Variants in COL10A1 observed in about 807,000 individuals in gnomAD.
COL10A1 encodes collagen type X alpha 1 chain, also known as collagen alpha-1(X) chain.
Under a neutral mutation model 18.2 loss-of-function variants are expected in COL10A1, and 10 were observed. The observed-to-expected ratio is 0.55, with a 90% CI of 0.34 to 0.93. The LOEUF (loss-of-function observed/expected upper bound fraction) is 0.93. Ranked by LOEUF, COL10A1 falls within the 40% of genes least tolerant of loss-of-function variation. The probability of loss-of-function intolerance (pLI) is 0.02; values close to 1 mark genes in which losing one functional copy is unlikely to be tolerated. For missense variants in COL10A1, 897 were observed against 853.5 expected, an observed-to-expected ratio of 1.05 and a Z score of -0.64; for synonymous variants, 330 against 316.6, an observed-to-expected ratio of 1.04 and a Z score of -0.45.
the COL10A1 span, among the ~76,000 whole-genome samples, chr6:116,183,166 C>T: frequency 6.6e-6 from 1 of 151,908 alleles, no homozygotes; most frequent in African/African-American, 2.4e-5. Context: ...TTTGCTTTGT[C>T]GAAGATCAGT....
chr6:116,131,914 G>T (rs1407127018), intron 1 of COL10A1, among the ~76,000 whole-genome samples: 1 of 152,166 alleles, frequency 6.6e-6, no homozygotes, highest in Non-Finnish European at 1.5e-5. Context: ...TTATAAGTGA[G>T]AACATGCAGT....
chr6:116,205,121 T>A, the COL10A1 span, among the ~76,000 whole-genome samples: 4 of 152,098 alleles, frequency 2.6e-5, no homozygotes, highest in African/African-American at 9.6e-5. Flanking sequence ...TGTTTCTGGT[T>A]AGGCCGGTAA....
At chr6:116,169,408 T>A in the COL10A1 span, among the ~76,000 whole-genome samples, 34 of 152,236 alleles carry the variant, frequency 2.2e-4, no homozygotes, top group Non-Finnish European at 4.4e-4. Flanking sequence ...ATATTTTGTG[T>A]CTATGCTTAC....
the COL10A1 span, among the ~76,000 whole-genome samples, chr6:116,212,403 T>C: frequency 6.6e-6 from 1 of 152,144 alleles, no homozygotes; most frequent in South Asian, 2.1e-4. Flanking sequence ...AGGGCTTTCC[T>C]ATTTATATAA....
rs186740349 is a variant in COL10A1 at position 116,131,434 on chromosome 6, A to G, written c.-15-5927T>C. Among the ~76,000 whole-genome samples, 398 of 152,292 alleles carry G rather than the reference A, an allele frequency of 2.6e-3. 10 individuals are homozygous for G. The South Asian group carries it at 0.044, about 17-fold the overall frequency. On this transcript the variant is annotated intron_variant, in intron 1 of 1. Transcript: ENST00000418500. The stretch of plus-strand genomic sequence containing the variant: ...ATATCCCTCCCAACTTCTTAAGTAA[A>G]TGGCATCACAGTGTACATACTTTAT...
intron 1 of COL10A1, among the ~76,000 whole-genome samples, chr6:116,154,903 GATAAAA>G (rs1413221646): frequency 1.3e-5 from 2 of 151,922 alleles, no homozygotes; most frequent in South Asian, 2.1e-4. Context: ...TTCTTCATAA[GATAAAA>G]ATAAAAAACA....
intron 1 of COL10A1, among the ~76,000 whole-genome samples, chr6:116,148,937 GC>G (rs1247643927): frequency 6.6e-6 from 1 of 152,106 alleles, no homozygotes; most frequent in Non-Finnish European, 1.5e-5. Flanking sequence ...ATTCCAAGAA[GC>G]CAGTCTTTTG....
Position 116,119,841 on chromosome 6 carries a change from C to A in COL10A1, c.*232G>T. On this transcript the variant is annotated 3_prime_UTR_variant, in exon 3 of 3. Transcript: ENST00000651968. ...TGATATTTTTTAATATTGGAGAAAA[C>A]CTTAAAGAGCCTTAAGATTGCTAAC... 1 of 471,728 alleles carries A rather than the reference C, an allele frequency of 2.1e-6. No individual in the cohort carries two copies. Among genetic ancestry groups the A allele is most frequent in the Non-Finnish European group, 3.8e-6 (1 of 265,984 alleles). 29.2% of individuals were successfully genotyped at this position (471,728 alleles called of 1,614,324 possible). A position where few individuals can be genotyped will look rare whatever the true frequency, so the allele number is the denominator to read the frequency against.
At chr6:116,178,110 CGTGTGTGT>C in the COL10A1 span, among the ~76,000 whole-genome samples, 94 of 117,554 alleles carry the variant, frequency 8.0e-4, no homozygotes, top group African/African-American at 2.2e-3. Context: ...CGCGTGCGTG[CGTGTGTGT>C]GTGTGTGTGT....
At chr6:116,128,845 A>T (rs1422814987), upstream of COL10A1, among the ~76,000 whole-genome samples, 1 of 152,290 alleles carries the variant, frequency 6.6e-6, no homozygotes, top group Non-Finnish European at 1.5e-5. Context: ...GTATAGTCTG[A>T]TATCAGTGTT....
At chr6:116,182,235 G>GTGTGTGTGTGTGTATGTGTGTA in the COL10A1 span, among the ~76,000 whole-genome samples, 2 of 151,310 alleles carry the variant, frequency 1.3e-5, no homozygotes, top group African/African-American at 4.9e-5. Flanking sequence ...GTGTGTGTGT[G>GTGTGTGTGTGTGTATGTGTGTA]TGTGTGTGTG....
chr6:116,140,158 T>G (rs934082711), intron 1 of COL10A1, among the ~76,000 whole-genome samples: 1 of 152,206 alleles, frequency 6.6e-6, no homozygotes, highest in Non-Finnish European at 1.5e-5. Flanking sequence ...ACTTTGGCAT[T>G]TTTCCACCAG....
Position 116,120,834 on chromosome 6 carries a change from C to G in COL10A1, c.1282G>C (p.Gly428Arg), listed in dbSNP as rs371658940. 9.2e-5 allele frequency: 148 copies of G among 1,613,886 alleles called. No individual in the cohort carries two copies. The highest frequency in any genetic ancestry group is 1.2e-4 in the Non-Finnish European group (141 of 1,179,986). ...TTGTGTCCGGGCATTCCCTTTGCTCCTGCTGGGCCCACAGGGCCTGGGAGA... is the reference window on the plus strand; with the variant it reads ...TTGTGTCCGGGCATTCCCTTTGCTCGTGCTGGGCCCACAGGGCCTGGGAGA... The part of the protein sequence containing the change: ...PGLPGPVGPA[G>R]AKGMPGHNGE... The change falls in exon 3 of 3, where the codon GGA becomes CGA. Residue 428 changes from glycine (G) to arginine (R), a missense_variant. By Grantham distance (125) the Gly-to-Arg change is moderately radical (BLOSUM62 -2). Transcript: ENST00000651968.
chr6:116,124,688 G>T (rs1021577751), intron 2 of COL10A1, among the ~76,000 whole-genome samples: 2 of 152,134 alleles, frequency 1.3e-5, no homozygotes, highest in Non-Finnish European at 2.9e-5. Flanking sequence ...AGGAAACTAA[G>T]GCATGGGAGG....
chr6:116,148,891 A>G (rs1779963843), intron 1 of COL10A1, among the ~76,000 whole-genome samples: 2 of 152,176 alleles, frequency 1.3e-5, no homozygotes, highest in African/African-American at 4.8e-5. Context: ...TTTAAAATAC[A>G]TGTATTACAT....
rs2024995 is a variant in COL10A1, at chr6:116,125,235, G to A, written c.154+104C>T. On this transcript the variant is annotated intron_variant, in intron 2 of 2. Transcript: ENST00000651968. ...AATAATTTGGGCTAATTCAGAAGTT[G>A]GAAAGTAACACCAAAGTTAAATGCA... is the stretch of plus-strand genomic sequence containing the variant. The A allele has an allele frequency of 6.1e-3, 8,086 of 1,332,582 alleles. 393 individuals are homozygous for A. In the African/African-American group the frequency reaches 0.1, roughly 17 times the overall value. 82.5% of individuals were successfully genotyped at this position (1,332,582 alleles called of 1,614,324 possible). A position where few individuals can be genotyped will look rare whatever the true frequency, so the allele number is the denominator to read the frequency against.
the COL10A1 span, among the ~76,000 whole-genome samples, chr6:116,203,826 GAGTTCC>G: frequency 6.6e-6 from 1 of 151,954 alleles, no homozygotes; most frequent in Non-Finnish European, 1.5e-5. Context: ...TGCACAGTGT[GAGTTCC>G]AGATACCTTA....
the COL10A1 span, among the ~76,000 whole-genome samples, chr6:116,215,204 A>G: frequency 6.6e-6 from 1 of 152,188 alleles, no homozygotes; most frequent in Non-Finnish European, 1.5e-5. Context: ...GCCTAGGGTT[A>G]TAAAGGAGGA....
intron 1 of COL10A1, among the ~76,000 whole-genome samples, chr6:116,141,926 A>ACACT (rs1209383390): frequency 2.0e-5 from 3 of 148,808 alleles, no homozygotes; most frequent in African/African-American, 7.5e-5. Context: ...ACACACACAC[A>ACACT]CTGTAAATGT....
Sources: allele counts gnomAD v4.1 joint callset (sites outside exome capture counted in the v4.1 genomes callset), GRCh38; gene constraint gnomAD v4.1.1; transcripts MANE v1.5; gene names NCBI Gene and HGNC (gene_info 2026-07-23, HGNC 2026-07-21).